SLC7A2: variants seen among roughly 807,000 people sequenced by gnomAD.
SLC7A2 encodes the protein solute carrier family 7 member 2.
SLC7A2 carries 48 observed loss-of-function variants against 58.9 expected under a neutral mutation model. The observed-to-expected ratio is 0.82, with a 90% CI of 0.65 to 1.04. The LOEUF (loss-of-function observed/expected upper bound fraction) is 1.04. Among genes scored for constraint, SLC7A2 ranks in the 50% least tolerant of loss-of-function variants. SLC7A2 has a pLI of 0.00. For synonymous variants in SLC7A2, 363 were observed against 314.5 expected (o/e 1.15, Z -1.63); for missense variants, 1,029 against 818.8 (o/e 1.26, Z -3.13).
rs1800231357 is a variant in SLC7A2, at chr8:17,503,143, C to T, written c.-23+841C>T. On this transcript the variant is annotated intron_variant, in intron 2 of 12. Transcript: ENST00000494857. ...TCGGCTCGCTGCAAGCTCCGCCTCC[C>T]GGGTTCACGCCATTCTCCTGCCTCA... Among the ~76,000 whole-genome samples the T allele has an allele frequency of 5.9e-5, 9 of 152,072 alleles. 1 individual carries two copies. Among genetic ancestry groups the T allele is most frequent in the African/African-American group, 9.6e-5 (4 of 41,500 alleles).
intron 2 of SLC7A2, among the ~76,000 whole-genome samples, chr8:17,530,192 C>T (rs1801389462): frequency 6.6e-6 from 1 of 152,114 alleles, no homozygotes; most frequent in Non-Finnish European, 1.5e-5. Flanking sequence ...CCCCCCATCC[C>T]CGGTCCGCCG....
chr8:17,552,128 TCAGAATTTC>T (rs1802484800), intron 7 of SLC7A2, 142 bp downstream of exon 7: 1 of 656,688 alleles, frequency 1.5e-6, no homozygotes, highest in East Asian at 2.7e-5. Flanking sequence ...ATTGGCTTGC[TCAGAATTTC>T]CACATAAAAA....
intron 2 of SLC7A2, among the ~76,000 whole-genome samples, chr8:17,527,515 G>A (rs944719345): frequency 3.3e-5 from 5 of 152,204 alleles, no homozygotes; most frequent in Non-Finnish European, 4.4e-5. Context: ...ATAACAAATA[G>A]TTTGTCTTAC....
chr8:17,561,732 G>T (rs1228544828), intron 10 of SLC7A2, among the ~76,000 whole-genome samples: 1 of 152,144 alleles, frequency 6.6e-6, no homozygotes, highest in Non-Finnish European at 1.5e-5. Context: ...GGAGGGGAGA[G>T]TAATGAGTAA....
intron 2 of SLC7A2, among the ~76,000 whole-genome samples, chr8:17,519,765 G>A (rs1585200549): frequency 6.6e-6 from 1 of 152,278 alleles, no homozygotes; most frequent in Non-Finnish European, 1.5e-5. Flanking sequence ...TGGGGCTTCT[G>A]AATAAAGGTG....
chr8:17,562,017 C>A lies in SLC7A2; in HGVS notation c.1578C>A (p.Ser526Arg), dbSNP rs777842836. ...VHAITRLEAW[S>R]LALLALFLVL... ...CCATCACCAGGCTGGAGGCCTGGAGCCTCGCTCTCCTCGCGCTGTTTCTTG... is the reference window on the plus strand; with the variant it reads ...CCATCACCAGGCTGGAGGCCTGGAGACTCGCTCTCCTCGCGCTGTTTCTTG... Residue 526 changes from serine to arginine, a missense_variant, in exon 11 of 13, where the codon AGC becomes AGA. Transcript: ENST00000494857. 9 of 1,613,910 alleles carry A rather than the reference C, an allele frequency of 5.6e-6. No homozygotes were observed. Among genetic ancestry groups the A allele is most frequent in the Middle Eastern group, 3.3e-4 (2 of 6,062 alleles).
intron 11 of SLC7A2, among the ~76,000 whole-genome samples, chr8:17,563,099 T>C (rs564727984): frequency 6.6e-6 from 1 of 152,314 alleles, no homozygotes; most frequent in African/African-American, 2.4e-5. Flanking sequence ...GCTATCATAG[T>C]ATCACTGCAC....
At chr8:17,556,695 A>G (rs2588247) in intron 8 of SLC7A2, among the ~76,000 whole-genome samples, 86,582 of 151,262 alleles carry the variant, frequency 0.57, 26,111 homozygotes, top group African/African-American at 0.77. Context: ...TGCAACCTCC[A>G]CCTCCCGAGT....
intron 11 of SLC7A2, 68 bp downstream of exon 11, chr8:17,562,178 GTATT>G: frequency 1.0e-5 from 5 of 478,202 alleles, no homozygotes; most frequent in South Asian, 4.3e-5. Context: ...AGTTTGGTAA[GTATT>G]TTTTTTTTTT....
chr8:17,557,755 G>C (rs1008862286), intron 8 of SLC7A2, among the ~76,000 whole-genome samples: 8 of 152,114 alleles, frequency 5.3e-5, no homozygotes, highest in African/African-American at 1.7e-4. Context: ...TTGGACCAGG[G>C]GGGTGGAGAT....
intron 9 of SLC7A2, among the ~76,000 whole-genome samples, chr8:17,559,408 G>A (rs1463165539): frequency 1.3e-5 from 2 of 152,006 alleles, no homozygotes; most frequent in Non-Finnish European, 2.9e-5. Context: ...GAGCAAAAGG[G>A]GGAAAAGCCC....
chr8:17,519,953 A>C (rs1396445073), intron 2 of SLC7A2, among the ~76,000 whole-genome samples: 1 of 152,164 alleles, frequency 6.6e-6, no homozygotes, highest in African/African-American at 2.4e-5. Context: ...AGACCATCTG[A>C]TTGATTGAAA....
intron 2 of SLC7A2, among the ~76,000 whole-genome samples, chr8:17,504,833 A>G (rs1800299667): frequency 6.6e-6 from 1 of 152,212 alleles, no homozygotes; most frequent in Non-Finnish European, 1.5e-5. Flanking sequence ...AGAAAAAGAA[A>G]AGATTGCGTG....
intron 1 of SLC7A2, among the ~76,000 whole-genome samples, chr8:17,500,999 A>G (rs1014295329): frequency 1.5e-5 from 2 of 131,772 alleles, no homozygotes; most frequent in African/African-American, 2.9e-5. Context: ...TGCTTTTCAC[A>G]TTCTTATCGA....
chr8:17,543,353 G>C lies in SLC7A2; in HGVS notation c.14G>C (p.Arg5Thr). 6.2e-7 allele frequency: 1 copy of C among 1,613,284 alleles called. No individual in the cohort carries two copies. The highest frequency in any genetic ancestry group is 8.5e-7 in the Non-Finnish European group (1 of 1,179,652). MIPC[R>T]AALTFARCLI... Reference sequence around the variant, plus strand: ...TCAGACGTCAGAATGATTCCTTGCAGAGCCGCGCTGACCTTTGCCCGATGT... The same window carrying C: ...TCAGACGTCAGAATGATTCCTTGCACAGCCGCGCTGACCTTTGCCCGATGT... The change falls in exon 3 of 13, where the codon AGA becomes ACA. Residue 5 changes from arginine to threonine, a missense_variant. Transcript: ENST00000494857.
intron 2 of SLC7A2, among the ~76,000 whole-genome samples, chr8:17,523,589 T>C (rs2150694609): frequency 6.6e-6 from 1 of 151,960 alleles, no homozygotes; most frequent in East Asian, 1.9e-4. Flanking sequence ...GATCCTCATC[T>C]CTCAACTTAT....
rs1803130961 is a variant in SLC7A2, at chr8:17,563,684, G to A, written c.1753G>A (p.Val585Ile). 1 of 1,610,318 alleles carries A rather than the reference G, an allele frequency of 6.2e-7. No individual in the cohort carries two copies. The highest frequency in any genetic ancestry group is 2.2e-5 in the East Asian group (1 of 44,832). ...LMVQLSADTW[V>I]RFSIWMAIGF... ...GGTCCAGTTAAGTGCAGACACTTGG[G>A]TCAGATTCAGCATTTGGATGGCAAT... The change falls in exon 12 of 13, where the codon GTC becomes ATC. Residue 585 changes from valine (V) to isoleucine (I), a missense_variant. Transcript: ENST00000494857.
intron 2 of SLC7A2, among the ~76,000 whole-genome samples, chr8:17,516,311 C>T (rs576885204): frequency 1.8e-4 from 27 of 152,134 alleles, no homozygotes; most frequent in African/African-American, 2.4e-4. Context: ...CTGCAACCTC[C>T]GCCTTCCAGT....
intron 2 of SLC7A2, among the ~76,000 whole-genome samples, chr8:17,532,334 C>T (rs982906313): frequency 1.3e-5 from 2 of 150,568 alleles, no homozygotes; most frequent in Admixed American, 6.6e-5. Context: ...AGCTTCCCTG[C>T]TGCCTCCTGA....
Sources: allele counts gnomAD v4.1 joint callset (sites outside exome capture counted in the v4.1 genomes callset), GRCh38; gene constraint gnomAD v4.1.1; transcripts MANE v1.5; gene names NCBI Gene and HGNC (gene_info 2026-07-23, HGNC 2026-07-21).